HYPK: variants seen among roughly 807,000 people sequenced by gnomAD.
The protein encoded by HYPK is huntingtin-interacting protein K.
HYPK carries 9 observed loss-of-function variants against 13.9 expected under a neutral mutation model. The observed-to-expected ratio is 0.65, with a 90% CI of 0.39 to 1.13. HYPK has a LOEUF of 1.13. Among genes scored for constraint, HYPK ranks in the 50% most tolerant of loss-of-function variants. The probability of loss-of-function intolerance (pLI) is 0.01; values close to 1 mark genes in which losing one functional copy is unlikely to be tolerated. For synonymous variants in HYPK, 76 were observed against 57.0 expected (o/e 1.33, Z -1.50); for missense variants, 138 against 157.6 (o/e 0.88, Z 0.67).
Position 43,802,607 on chromosome 15 carries a change from CTCACACCTGTAATCCCAGCACTTTGGG to C in HYPK, c.*802_*828del, listed in dbSNP as rs2087331284. 1 of 137,774 alleles carries C rather than the reference CTCACACCTGTAATCCCAGCACTTTGGG, an allele frequency of 7.3e-6. No homozygotes were observed. Among genetic ancestry groups the C allele is most frequent in the Non-Finnish European group, 1.5e-5 (1 of 66,414 alleles). The allele number at this position is 137,774 out of a possible 1,614,324, so 8.5% of individuals were successfully genotyped here. On this transcript the variant is annotated 3_prime_UTR_variant, in exon 4 of 4. Transcript: ENST00000442995. ...AAAAAAAAAAGCCCGGGCACAGTGG[CTCACACCTGTAATCCCAGCACTTTGGG>C]AGGCTGAGGCAGTCGGATCATGAGG...
Position 43,801,854 on chromosome 15 carries a change from A to T in HYPK, c.*48A>T, listed in dbSNP as rs761532340. On this transcript the variant is annotated 3_prime_UTR_variant, in exon 4 of 4. Coordinates refer to ENST00000442995, the MANE Select transcript of HYPK (RefSeq NM_016400.4). The stretch of plus-strand genomic sequence containing the variant: ...TACTGGATTAATTTATGGCAATAAA[A>T]TTTTTTTTTGTCTTTTTCAGTTTTA... 2.0e-5 allele frequency: 31 copies of T among 1,550,298 alleles called. No homozygotes were observed. Among genetic ancestry groups the T allele is most frequent in the Middle Eastern group, 2.0e-4 (1 of 5,010 alleles).
intron 1 of HYPK, 115 bp from the exon 2 acceptor site, chr15:43,801,017 T>C: frequency 1.0e-6 from 1 of 986,632 alleles, no homozygotes; most frequent in Non-Finnish European, 1.6e-6. Flanking sequence ...TAGTCCTTGC[T>C]ACCTGGTAAC....
Position 43,801,424 on chromosome 15 carries a change from G to T in HYPK, c.219-94G>T, listed in dbSNP as rs928575956. ...TTATTTTCAATCAAGGGTTTATCAA[G>T]ATTTATTTACAGGGCACTTCTGGGA... is the stretch of plus-strand genomic sequence containing the variant. On this transcript the variant is annotated intron_variant, in intron 2 of 3. Transcript: ENST00000442995. 6 of 1,116,042 alleles carry T rather than the reference G, an allele frequency of 5.4e-6. No individual in the cohort carries two copies. In the African/African-American group the frequency reaches 7.9e-5, roughly 15 times the overall value. 69.1% of individuals were successfully genotyped at this position (1,116,042 alleles called of 1,614,324 possible).
Position 43,801,540 on chromosome 15 carries a change from A to T in HYPK, c.241A>T (p.Thr81Ser). Residue 81 changes from threonine (T) to serine (S), a missense_variant, in exon 3 of 4, where the codon ACT becomes TCT. By Grantham distance (58) the Thr-to-Ser change is moderately conservative. Transcript: ENST00000442995. ...CAGGGAGAAAGAACTGGCAAAAGTC[A>T]CTATCAAGAAGGAAGATCTGGAGCT... ...QEREKELAKVTIKKEDLELIM... is the reference protein window; with the variant it reads ...QEREKELAKVSIKKEDLELIM... 2 of 1,614,046 alleles carry T rather than the reference A, an allele frequency of 1.2e-6. No homozygotes were observed. Among genetic ancestry groups the T allele is most frequent in the Non-Finnish European group, 1.7e-6 (2 of 1,179,860 alleles).
At position 43,804,336 on chromosome 15, in the gene HYPK, T is replaced by G. The variant is rs2141702670; in HGVS notation, c.*2530T>G. Among the ~76,000 whole-genome samples the G allele has an allele frequency of 6.6e-6, 1 of 152,318 alleles. No individual in the cohort carries two copies. The highest frequency in any genetic ancestry group is 2.4e-5 in the African/African-American group (1 of 41,582). On this transcript the variant is annotated 3_prime_UTR_variant, in exon 4 of 4. Transcript: ENST00000442995. The stretch of plus-strand genomic sequence containing the variant: ...CGTACGACACTAAACTATTTGATTC[T>G]TCCAGTGGGACATTTAAAGGATGTG...
chr15:43,801,183 GA>G lies in HYPK; in HGVS notation c.215del (p.Glu72GlyfsTer18). The G allele has an allele frequency of 6.2e-7, 1 of 1,613,904 alleles. No homozygotes were observed. Among genetic ancestry groups the G allele is most frequent in the Non-Finnish European group, 8.5e-7 (1 of 1,179,850 alleles). On this transcript the variant is annotated frameshift_variant, in exon 2 of 4. Coordinates refer to ENST00000442995, the MANE Select transcript of HYPK (RefSeq NM_016400.4). LOFTEE classifies it high-confidence loss of function. ...RRSREQKAKQ[E>X]REKELAKVTI... is the part of the protein sequence containing the mutation. ...GTCCCGGGAGCAGAAAGCCAAACAG[GA>G]GCGGTAAGTCTTCAGGGGCAGCCAA...
In HYPK at chr15:43,802,575, A is replaced by AT. The variant is rs1314717891; in HGVS notation, c.*769_*770insT. On this transcript the variant is annotated 3_prime_UTR_variant, in exon 4 of 4. Transcript: ENST00000442995. ...AAAGAGTGAAACTCCATCTCAAAAA[A>AT]AAAAAAAAAAAAAAAAGCCCGGGCA... 6.8e-6 allele frequency: 1 copy of AT among 147,016 alleles called. No individual in the cohort carries two copies. The highest frequency in any genetic ancestry group is 1.5e-5 in the Non-Finnish European group (1 of 68,530). 9.1% of individuals were successfully genotyped at this position (147,016 alleles called of 1,614,324 possible). A position where few individuals can be genotyped will look rare whatever the true frequency, so the allele number is the denominator to read the frequency against.
At position 43,803,756 on chromosome 15, in the gene HYPK, C is replaced by G. The variant is rs1436466192; in HGVS notation, c.*1950C>G. Reference sequence around the variant, plus strand: ...TGAGCAGAGATCGCGCCACTGCACTCCAGACTGGGCAACAAGAGTGAAACT... The same window carrying G: ...TGAGCAGAGATCGCGCCACTGCACTGCAGACTGGGCAACAAGAGTGAAACT... On this transcript the variant is annotated 3_prime_UTR_variant, in exon 4 of 4. Coordinates refer to ENST00000442995, the MANE Select transcript of HYPK (RefSeq NM_016400.4). 6.9e-6 allele frequency among the ~76,000 whole-genome samples: 1 copy of G among 145,884 alleles called. No homozygotes were observed.
intron 1 of HYPK, 46 bp downstream of exon 1, chr15:43,800,830 G>C (rs779636626): frequency 1.3e-6 from 2 of 1,509,378 alleles, no homozygotes; most frequent in South Asian, 2.5e-5. Flanking sequence ...GAGCAGAGGG[G>C]GGCTCTGAGG....
chr15:43,801,121 C>T lies in HYPK; in HGVS notation c.163-11C>T. ...GTAGCGGTGCAGTAACTAGACCTGC[C>T]TTTCCCATAGGCCATGTCTGTGATT... On this transcript the variant is annotated splice_polypyrimidine_tract_variant and intron_variant, in intron 1 of 3. Transcript: ENST00000442995. 6.2e-7 allele frequency: 1 copy of T among 1,613,026 alleles called. No homozygotes were observed. The highest frequency in any genetic ancestry group is 1.1e-5 in the South Asian group (1 of 91,068).
rs2087336149 is a variant in HYPK, at chr15:43,803,022, C to CT, written c.*1217dup. The CT allele has an allele frequency of 2.6e-5, 4 of 152,062 alleles. No homozygotes were observed. Among genetic ancestry groups the CT allele is most frequent in the African/African-American group, 9.7e-5 (4 of 41,382 alleles). The allele number at this position is 152,062 out of a possible 1,614,324, so 9.4% of individuals were successfully genotyped here. On this transcript the variant is annotated 3_prime_UTR_variant, in exon 4 of 4. Transcript: ENST00000442995. The stretch of plus-strand genomic sequence containing the variant: ...TGGGCAACACAGTGAGATTTCGTCT[C>CT]TACCGCGCTCCCCCCACCACCAAAA...
intron 2 of HYPK, 157 bp downstream of exon 2, chr15:43,801,344 T>C: frequency 1.2e-6 from 1 of 839,758 alleles, no homozygotes; most frequent in Non-Finnish European, 1.9e-6. Context: ...GCAGAAGGCC[T>C]CCTGGCAACA....
Position 43,802,062 on chromosome 15 carries a change from C to G in HYPK, c.*256C>G, listed in dbSNP as rs1428303883. On this transcript the variant is annotated 3_prime_UTR_variant, in exon 4 of 4. Transcript: ENST00000442995. ...CAGTCTCATTCATCTGACTAGCTCT[C>G]AACAGTATTCAAGGTACATCTGGAG... is the stretch of plus-strand genomic sequence containing the variant. 1 of 488,432 alleles carries G rather than the reference C, an allele frequency of 2.0e-6. No homozygotes were observed. Among genetic ancestry groups the G allele is most frequent in the Non-Finnish European group, 3.7e-6 (1 of 270,030 alleles). 30.3% of individuals were successfully genotyped at this position (488,432 alleles called of 1,614,324 possible). A position where few individuals can be genotyped will look rare whatever the true frequency, so the allele number is the denominator to read the frequency against.
rs1596053107 is a variant in HYPK, at chr15:43,803,523, C to T, written c.*1717C>T. On this transcript the variant is annotated 3_prime_UTR_variant, in exon 4 of 4. Transcript: ENST00000442995. ...GGTTAATCAGGGCCGGGCGTGGTGG[C>T]GCATGCCTATAATCCCAGCACTCTG... 6.6e-6 allele frequency among the ~76,000 whole-genome samples: 1 copy of T among 152,084 alleles called. No individual in the cohort carries two copies.
rs1488741909 is a variant in HYPK at position 43,804,398 on chromosome 15, G to A, written c.*2592G>A. On this transcript the variant is annotated 3_prime_UTR_variant, in exon 4 of 4. Coordinates refer to ENST00000442995, the MANE Select transcript of HYPK (RefSeq NM_016400.4). ...GTCTTCTCAAAAACATCTGTATTTG[G>A]TCATGGAATAAATCCAGATGCTACC... 6.6e-6 allele frequency: 1 copy of A among 152,128 alleles called. No homozygotes were observed. The highest frequency in any genetic ancestry group is 1.5e-5 in the Non-Finnish European group (1 of 68,012). The allele number at this position is 152,128 out of a possible 1,614,324, so 9.4% of individuals were successfully genotyped here.
At chr15:43,800,455 G>C, upstream of HYPK, 1 of 919,316 alleles carries the variant, frequency 1.1e-6, no homozygotes, top group Non-Finnish European at 1.7e-6. Context: ...GTACAAACCC[G>C]AAAGGAAGTC....
rs2087318327 is a variant in HYPK, at chr15:43,801,686, T to TA, written c.271-24dup. 2.5e-6 allele frequency: 4 copies of TA among 1,613,226 alleles called. No individual in the cohort carries two copies. The South Asian group carries it at 4.4e-5, about 18-fold the overall frequency. On this transcript the variant is annotated intron_variant, in intron 3 of 3. Transcript: ENST00000442995. ...GGTGGCACATTAATGCCTGGGAACC[T>TA]ATGTAACATGATTTTTTTCTGCAGA...
Position 43,803,797 on chromosome 15 carries a change from A to G in HYPK, c.*1991A>G, listed in dbSNP as rs1173348891. On this transcript the variant is annotated 3_prime_UTR_variant, in exon 4 of 4. Transcript: ENST00000442995. ...GAGTGAAACTCCATCTCAAAAAAAA[A>G]AAAAAAAAAAATCAGCTTGGACCAA... Among the ~76,000 whole-genome samples the G allele has an allele frequency of 6.6e-6, 1 of 152,010 alleles. No homozygotes were observed. Among genetic ancestry groups the G allele is most frequent in the East Asian group, 1.9e-4 (1 of 5,148 alleles).
In HYPK at chr15:43,803,593, G is replaced by C. The variant is rs539547609; in HGVS notation, c.*1787G>C. On this transcript the variant is annotated 3_prime_UTR_variant, in exon 4 of 4. Transcript: ENST00000442995. Reference sequence around the variant, plus strand: ...TCACCTGGGATCAGGAGTTTGAGACGAGCCTGGCCAAAATGGTGAAACCCC... The same window carrying C: ...TCACCTGGGATCAGGAGTTTGAGACCAGCCTGGCCAAAATGGTGAAACCCC... 6.6e-6 allele frequency among the ~76,000 whole-genome samples: 1 copy of C among 151,920 alleles called. No homozygotes were observed. Among genetic ancestry groups the C allele is most frequent in the Admixed American group, 6.6e-5 (1 of 15,232 alleles).
Sources: gnomAD v4.1 joint callset for allele counts (sites outside exome capture counted in the v4.1 genomes callset) on GRCh38, gnomAD v4.1.1 for gene constraint, MANE v1.5 for transcripts, NCBI Gene and HGNC (gene_info 2026-07-23, HGNC 2026-07-21) for gene names.